SUGCT: variants seen among roughly 807,000 people sequenced by gnomAD.
The protein encoded by SUGCT is succinyl-CoA:glutarate CoA-transferase.
A neutral mutation model predicts 55.0 loss-of-function variants in SUGCT; 41 were observed. The observed-to-expected ratio is 0.74, with a 90% CI of 0.58 to 0.97. SUGCT has a LOEUF of 0.97. Ranked by LOEUF, SUGCT falls within the 50% of genes least tolerant of loss-of-function variation. The pLI is 0.00. For synonymous variants in SUGCT, 187 were observed against 200.4 expected (o/e 0.93, Z 0.56); for missense variants, 568 against 547.8 (o/e 1.04, Z -0.37).
intron 12 of SUGCT, among the ~76,000 whole-genome samples, chr7:40,630,401 G>A (rs1005746802): frequency 6.6e-6 from 1 of 152,096 alleles, no homozygotes; most frequent in Non-Finnish European, 1.5e-5. Flanking sequence ...GCTCACAGTC[G>A]CCTGACCCAA....
chr7:40,366,565 C>G (rs1296930936), intron 9 of SUGCT, among the ~76,000 whole-genome samples: 1 of 151,960 alleles, frequency 6.6e-6, no homozygotes, highest in African/African-American at 2.4e-5. Context: ...AACAAATTTA[C>G]AAGAAAAAAA....
chr7:40,360,261 G>A (rs1035787564), intron 9 of SUGCT, among the ~76,000 whole-genome samples: 3 of 152,148 alleles, frequency 2.0e-5, no homozygotes, highest in Non-Finnish European at 2.9e-5. Flanking sequence ...TGACCCGCCC[G>A]CCTTGGCCTC....
chr7:40,204,953 TTAAAAA>T (rs143168506), intron 6 of SUGCT, among the ~76,000 whole-genome samples: 5,737 of 143,264 alleles, frequency 0.04, 334 homozygotes, highest in African/African-American at 0.14. Context: ...AACTTGTCTC[TTAAAAA>T]TAAAAAGAGA....
chr7:40,638,721 A>G (rs1800129084), intron 12 of SUGCT, among the ~76,000 whole-genome samples: 1 of 152,098 alleles, frequency 6.6e-6, no homozygotes, highest in African/African-American at 2.4e-5. Context: ...TATTAGGAAA[A>G]TGATGTAGTA....
intron 1 of SUGCT, among the ~76,000 whole-genome samples, chr7:40,143,042 A>C (rs1397479238): frequency 6.6e-6 from 1 of 152,220 alleles, no homozygotes; most frequent in Non-Finnish European, 1.5e-5. Context: ...ATTGCATTTA[A>C]ATAGATGTGA....
the SUGCT span, among the ~76,000 whole-genome samples, chr7:40,907,600 C>T: frequency 6.6e-6 from 1 of 152,162 alleles, no homozygotes; most frequent in African/African-American, 2.4e-5. Flanking sequence ...TCCCATTTCA[C>T]AGCTGAAAAA....
intron 9 of SUGCT, among the ~76,000 whole-genome samples, chr7:40,368,592 G>T (rs1784129681): frequency 6.6e-6 from 1 of 152,138 alleles, no homozygotes. Flanking sequence ...GTTGCCTCAA[G>T]CTCAGACTTC....
intron 12 of SUGCT, among the ~76,000 whole-genome samples, chr7:40,659,009 G>A (rs559434773): frequency 6.6e-6 from 1 of 152,286 alleles, no homozygotes; most frequent in African/African-American, 2.4e-5. Flanking sequence ...TGGCATGGCT[G>A]CTCCAGTGAG....
intron 9 of SUGCT, among the ~76,000 whole-genome samples, chr7:40,389,599 G>A (rs1785310459): frequency 6.6e-6 from 1 of 152,092 alleles, no homozygotes; most frequent in African/African-American, 2.4e-5. Context: ...TATATCCTAA[G>A]CACTTTATCT....
the SUGCT span, among the ~76,000 whole-genome samples, chr7:40,876,803 C>T: frequency 1.3e-5 from 2 of 152,022 alleles, no homozygotes; most frequent in Admixed American, 6.6e-5. Flanking sequence ...TGCATCCATC[C>T]CAGGGCTGCT....
At chr7:40,990,947 C>G in the SUGCT span, among the ~76,000 whole-genome samples, 2 of 152,162 alleles carry the variant, frequency 1.3e-5, no homozygotes, top group Non-Finnish European at 2.9e-5. Flanking sequence ...GATCTTCTGT[C>G]CAGGCCACTC....
chr7:40,201,523 T>C (rs1427354433), intron 6 of SUGCT, among the ~76,000 whole-genome samples: 1 of 152,210 alleles, frequency 6.6e-6, no homozygotes, highest in Non-Finnish European at 1.5e-5. Context: ...TTTCAGGATA[T>C]TGTGGCCATC....
intron 12 of SUGCT, among the ~76,000 whole-genome samples, chr7:40,547,261 T>C (rs1412181679): frequency 1.3e-5 from 2 of 152,130 alleles, no homozygotes; most frequent in African/African-American, 4.8e-5. Context: ...TTCGGTTGAT[T>C]GGTTGAGAGC....
chr7:41,007,788 G>A, the SUGCT span, among the ~76,000 whole-genome samples: 1 of 106,490 alleles, frequency 9.4e-6, no homozygotes, highest in Non-Finnish European at 1.8e-5. Context: ...AAGCTTCTAT[G>A]ACAATGGAAT....
the SUGCT span, among the ~76,000 whole-genome samples, chr7:40,920,846 T>C: frequency 1.3e-5 from 2 of 152,232 alleles, no homozygotes; most frequent in South Asian, 2.1e-4. Flanking sequence ...GTTTAAGGTT[T>C]AAATACTTAA....
At chr7:40,453,123 T>C (rs1248017680) in intron 10 of SUGCT, among the ~76,000 whole-genome samples, 1 of 151,894 alleles carries the variant, frequency 6.6e-6, no homozygotes. Context: ...TCAGAGAGAG[T>C]GTGGAAATAG....
At chr7:40,999,223 T>A in the SUGCT span, among the ~76,000 whole-genome samples, 2 of 152,166 alleles carry the variant, frequency 1.3e-5, no homozygotes, top group Non-Finnish European at 2.9e-5. Context: ...CACAGCTTTT[T>A]TTTTTTCTCA....
the SUGCT span, among the ~76,000 whole-genome samples, chr7:40,945,029 A>C: frequency 1.6e-4 from 24 of 151,806 alleles, no homozygotes; most frequent in Middle Eastern, 3.2e-3. Context: ...TTGTTTATTA[A>C]TTTTTCCCCA....
At chr7:40,274,197 A>T in intron 7 of SUGCT, among the ~76,000 whole-genome samples, 1 of 149,612 alleles carries the variant, frequency 6.7e-6, no homozygotes. Context: ...TTTAGCATAA[A>T]CAAGATAAAA....
Sources: allele counts gnomAD v4.1 joint callset (sites outside exome capture counted in the v4.1 genomes callset), GRCh38; gene constraint gnomAD v4.1.1; transcripts MANE v1.5; gene names NCBI Gene and HGNC (gene_info 2026-07-23, HGNC 2026-07-21).